The following SPEG variants were observed in gnomAD, a reference collection of about 807,000 sequenced individuals.
SPEG encodes striated muscle enriched protein kinase.
A neutral mutation model predicts 300.4 loss-of-function variants in SPEG; 114 were observed. The ratio of observed to expected loss-of-function variants is 0.38; its 90% confidence interval spans 0.33 to 0.44. The LOEUF is 0.44. Ranked by LOEUF, SPEG falls within the 20% of genes least tolerant of loss-of-function variation. SPEG has a pLI of 1.00. For synonymous variants in SPEG, 1,964 were observed against 2,018.9 expected, an observed-to-expected ratio of 0.97 and a Z score of 0.73; for missense variants, 4,201 against 4,586.2, an observed-to-expected ratio of 0.92 and a Z score of 2.43.
chr2:219,483,791 A>G lies in SPEG; in HGVS notation c.6328A>G (p.Ser2110Gly). The G allele has an allele frequency of 6.4e-7, 1 of 1,564,536 alleles. No homozygotes were observed. Among genetic ancestry groups the G allele is most frequent in the East Asian group, 2.3e-5 (1 of 42,848 alleles). The change falls in exon 30 of 41, where the codon AGC (serine) becomes GGC (glycine). Residue 2110 changes from serine to glycine, a missense_variant. Physicochemically the swap from Ser to Gly is moderately conservative, Grantham distance 56. Transcript: ENST00000312358. Reference sequence around the variant, plus strand: ...CCCCCGGATGGCACGAGCTGCCTCCAGCGAGGCAGCGCCCCACCACCAGCC... The same window carrying G: ...CCCCCGGATGGCACGAGCTGCCTCCGGCGAGGCAGCGCCCCACCACCAGCC... Reference protein sequence around the residue: ...RDPRMARAASSEAAPHHQPPL... With the variant: ...RDPRMARAASGEAAPHHQPPL...
Position 219,489,135 on chromosome 2 carries a change from T to C in SPEG, c.8231T>C (p.Val2744Ala), listed in dbSNP as rs200113067. 1.2e-5 allele frequency: 20 copies of C among 1,613,726 alleles called. No homozygotes were observed. Among genetic ancestry groups the C allele is most frequent in the African/African-American group, 2.7e-5 (2 of 74,836 alleles). ...NVTHLPVGVT[V>A]RFRVACANRA... ...ACCCACCTGCCAGTTGGCGTGACTG[T>C]GAGGTTCCGTGTGGCCTGTGCCAAC... The change falls in exon 35 of 41, where the codon GTG becomes GCG. Residue 2744 changes from valine to alanine, a missense_variant. Transcript: ENST00000312358.
At chr2:219,492,504 A>C in intron 40 of SPEG, 90 bp from the exon 41 acceptor site, 1 of 1,396,156 alleles carries the variant, frequency 7.2e-7, no homozygotes, top group Non-Finnish European at 9.9e-7. Flanking sequence ...GGTGGGATCC[A>C]GGACTGGGAC....
chr2:219,492,805 G>C lies in SPEG; in HGVS notation c.*19G>C. The C allele has an allele frequency of 6.4e-7, 1 of 1,559,824 alleles. No individual in the cohort carries two copies. On this transcript the variant is annotated 3_prime_UTR_variant, in exon 41 of 41. Coordinates refer to ENST00000312358, the MANE Select transcript of SPEG (RefSeq NM_005876.5). Reference sequence around the variant, plus strand: ...CCCCTAGAGGCACGGACCACAGCCAGGCCTCGGGCTTCAACTGGGGTTCCC... The same window carrying C: ...CCCCTAGAGGCACGGACCACAGCCACGCCTCGGGCTTCAACTGGGGTTCCC...
chr2:219,459,444 G>A lies in SPEG; in HGVS notation c.2441-2438G>A, dbSNP rs1690461011. 6.6e-6 allele frequency among the ~76,000 whole-genome samples: 1 copy of A among 152,212 alleles called. No individual in the cohort carries two copies. Among genetic ancestry groups the A allele is most frequent in the South Asian group, 2.1e-4 (1 of 4,832 alleles). On this transcript the variant is annotated intron_variant, in intron 6 of 40. Transcript: ENST00000312358. The surrounding 1 kb of genome is among the most constrained non-coding windows in gnomAD (Gnocchi z 4.9). ...GCTTCCTTGGTCACTCACTTTTGGA[G>A]GTATGGAGGGGCAGAGGCTACTGCC...
intron 36 of SPEG, 115 bp from the exon 37 acceptor site, chr2:219,490,294 T>C: frequency 7.1e-7 from 1 of 1,417,360 alleles, no homozygotes; most frequent in Non-Finnish European, 9.5e-7. Context: ...GAGCCCACAC[T>C]GGAACCACTG....
At chr2:219,468,480 G>A (rs1490593583) in intron 10 of SPEG, 98 bp from the exon 11 acceptor site, 5 of 1,391,078 alleles carry the variant, frequency 3.6e-6, no homozygotes, top group Non-Finnish European at 4.9e-6. Flanking sequence ...CTCTGCCCAG[G>A]CTCCAGCTTC....
chr2:219,462,237 A>G (rs1367359903), intron 7 of SPEG, 61 bp from the exon 8 acceptor site: 1 of 1,414,874 alleles, frequency 7.1e-7, no homozygotes, highest in Non-Finnish European at 9.7e-7. Context: ...CAGATTCCAC[A>G]GCCCCCAGGA....
At position 219,473,125 on chromosome 2, in the gene SPEG, G is replaced by C. The variant is rs752836150; in HGVS notation, c.4147+29G>C. 6.3e-7 allele frequency: 1 copy of C among 1,599,958 alleles called. No individual in the cohort carries two copies. Among genetic ancestry groups the C allele is most frequent in the Non-Finnish European group, 8.5e-7 (1 of 1,171,944 alleles). On this transcript the variant is annotated intron_variant, in intron 16 of 40. Coordinates refer to ENST00000312358, the MANE Select transcript of SPEG (RefSeq NM_005876.5). The surrounding 1 kb of genome is among the most constrained non-coding windows in gnomAD (Gnocchi z 4.6). ...AGCCTGGGTGCTCCTGTCGGGTGGG[G>C]GTGGGAGCTGCTGGGATGGGGAATG...
chr2:219,450,245 C>G (rs771556013), intron 4 of SPEG, among the ~76,000 whole-genome samples: 22 of 152,114 alleles, frequency 1.4e-4, no homozygotes, highest in Admixed American at 3.9e-4. Flanking sequence ...TTAACTAGGC[C>G]CTTACAGATG....
chr2:219,443,579 GT>G lies in SPEG; in HGVS notation c.389-1073del. The G allele has an allele frequency of 3.5e-6, 1 of 285,972 alleles. No individual in the cohort carries two copies. Among genetic ancestry groups the G allele is most frequent in the Non-Finnish European group, 6.9e-6 (1 of 145,858 alleles). The allele number at this position is 285,972 out of a possible 1,614,324, so 17.7% of individuals were successfully genotyped here. ...GGGCATTTTTGAGGACGATTCAACAGTAGAAGGGAGGGACCTTGAGGAAGGT... is the reference window on the plus strand; with the variant it reads ...GGGCATTTTTGAGGACGATTCAACAGAGAAGGGAGGGACCTTGAGGAAGGT... On this transcript the variant is annotated intron_variant, in intron 1 of 40. Transcript: ENST00000312358. This position sits in a 1 kb window ranked among gnomAD's most constrained non-coding sequence, Gnocchi z 4.6.
In SPEG at chr2:219,443,620, G is replaced by A. The variant is rs1476336913; in HGVS notation, c.389-1033G>A. ...TTGAGGAAGGTGCCTGTCACATCAT[G>A]ATGCAGACAGATAAGGGGTTGGTTT... On this transcript the variant is annotated intron_variant, in intron 1 of 40. Coordinates refer to ENST00000312358, the MANE Select transcript of SPEG (RefSeq NM_005876.5). This position sits in a 1 kb window ranked among gnomAD's most constrained non-coding sequence, Gnocchi z 4.6. 2 of 300,032 alleles carry A rather than the reference G, an allele frequency of 6.7e-6. No homozygotes were observed. Among genetic ancestry groups the A allele is most frequent in the African/African-American group, 4.4e-5 (2 of 45,962 alleles). 18.6% of individuals were successfully genotyped at this position (300,032 alleles called of 1,614,324 possible). A position where few individuals can be genotyped will look rare whatever the true frequency, so the allele number is the denominator to read the frequency against.
chr2:219,483,350 C>G lies in SPEG; in HGVS notation c.5887C>G (p.Pro1963Ala), dbSNP rs1174408910. 1.2e-6 allele frequency: 2 copies of G among 1,604,610 alleles called. No individual in the cohort carries two copies. Among genetic ancestry groups the G allele is most frequent in the Admixed American group, 3.4e-5 (2 of 58,888 alleles). The change falls in exon 30 of 41, where the codon CCA (proline) becomes GCA (alanine). Residue 1963 changes from proline (P) to alanine (A), a missense_variant. Around this residue, in one of 4 missense-constraint regions of SPEG, gnomAD observed 1,578 missense variants for 1,506.0 expected, o/e 1.05. Transcript: ENST00000312358. Reference sequence around the variant, plus strand: ...CACTGAGGATGAGGCCCTGGGGACCCCAGAGACTGGGGCTGCCACCCCCAT... The same window carrying G: ...CACTGAGGATGAGGCCCTGGGGACCGCAGAGACTGGGGCTGCCACCCCCAT... Reference protein sequence around the residue: ...IPTEDEALGTPETGAATPMDW... With the variant: ...IPTEDEALGTAETGAATPMDW...
chr2:219,470,507 G>A (rs1250477734), intron 13 of SPEG, among the ~76,000 whole-genome samples: 4 of 152,280 alleles, frequency 2.6e-5, no homozygotes, highest in South Asian at 4.1e-4. Context: ...TGGCGTCTCC[G>A]CTTCTGCCTG....
rs1294922758 is a variant in SPEG, at chr2:219,443,080, A to G, written c.389-1573A>G. The G allele has an allele frequency of 6.2e-7, 1 of 1,608,316 alleles. No individual in the cohort carries two copies. Among genetic ancestry groups the G allele is most frequent in the African/African-American group, 1.3e-5 (1 of 74,942 alleles). On this transcript the variant is annotated intron_variant, in intron 1 of 40. Coordinates refer to ENST00000312358, the MANE Select transcript of SPEG (RefSeq NM_005876.5). The surrounding 1 kb of genome is among the most constrained non-coding windows in gnomAD (Gnocchi z 4.6). ...ACCTTAGGAACAAGCCTCCCCCTCA[A>G]CTACTCATTCTGGCTTTTCTCTTTC...
Position 219,484,830 on chromosome 2 carries a change from G to A in SPEG, c.7367G>A (p.Arg2456Gln), listed in dbSNP as rs1278336361. 1 of 1,509,148 alleles carries A rather than the reference G, an allele frequency of 6.6e-7. No homozygotes were observed. 93.5% of individuals were successfully genotyped at this position (1,509,148 alleles called of 1,614,324 possible). Residue 2456 changes from arginine to glutamine, a missense_variant, in exon 30 of 41, where the codon CGG becomes CAG. Arg to Gln is a conservative substitution (Grantham distance 43). Transcript: ENST00000312358. ...RGSPVLAMRR[R>Q]LSFTLERLSS... ...TCCCCGGTGCTGGCGATGCGCAGGC[G>A]GCTGAGCTTCACCCTGGAGCGGCTG...
Position 219,488,827 on chromosome 2 carries a change from C to G in SPEG, c.8076C>G (p.Asp2692Glu). ...APPEVPQTYQ[D>E]TALVLWKPGD... ...CAGAGGTACCCCAGACCTACCAGGA[C>G]ACGGCGCTGGTGCTGTGGAAGCCGG... Residue 2692 changes from aspartate (D) to glutamate (E), a missense_variant, in exon 34 of 41, where the codon GAC (aspartate) becomes GAG (glutamate). Asp to Glu is a conservative substitution (Grantham distance 45). Transcript: ENST00000312358. 6.3e-7 allele frequency: 1 copy of G among 1,595,370 alleles called. No individual in the cohort carries two copies. Among genetic ancestry groups the G allele is most frequent in the South Asian group, 1.1e-5 (1 of 88,926 alleles).
At chr2:219,460,648 G>C in intron 6 of SPEG, 1 of 985,594 alleles carries the variant, frequency 1.0e-6, no homozygotes, top group Non-Finnish European at 1.2e-6. Flanking sequence ...AAATCCAGAC[G>C]GCCGCGCTCC....
chr2:219,448,541 C>T lies in SPEG; in HGVS notation c.1383C>T (p.Gly461=), dbSNP rs1689493449. The change falls in exon 4 of 41, where the codon GGC becomes GGT. Residue 461 remains glycine, a synonymous_variant. Coordinates refer to ENST00000312358, the MANE Select transcript of SPEG (RefSeq NM_005876.5). ...GASQEELRAP[G]SVAERRRLFQ... is the part of the protein sequence containing the mutation. ...CGCAGGAAGAACTGCGGGCGCCAGG[C>T]AGCGTGGCCGAGCGGCGCCGCCTGT... 2.8e-6 allele frequency: 4 copies of T among 1,443,904 alleles called. No homozygotes were observed. In the African/African-American group the frequency reaches 4.5e-5, roughly 16 times the overall value. The allele number at this position is 1,443,904 out of a possible 1,614,324, so 89.4% of individuals were successfully genotyped here.
At chr2:219,462,147 C>G (rs766514099) in intron 7 of SPEG, 90 bp downstream of exon 7, 1 of 1,227,558 alleles carries the variant, frequency 8.1e-7, no homozygotes, top group Non-Finnish European at 1.1e-6. Flanking sequence ...TAGGCAACAT[C>G]AAGACCTGGA....
Sources: allele counts gnomAD v4.1 joint callset (sites outside exome capture counted in the v4.1 genomes callset), GRCh38; gene constraint gnomAD v4.1.1; regional missense constraint gnomAD v4.1.1; non-coding constraint Gnocchi (gnomAD v3.1); transcripts MANE v1.5; gene names NCBI Gene and HGNC (gene_info 2026-07-23, HGNC 2026-07-21).